The following NCBP3 variants were observed in gnomAD, a reference collection of about 807,000 sequenced individuals.
The protein encoded by NCBP3 is nuclear cap binding subunit 3, also known as nuclear cap-binding protein subunit 3.
NCBP3 carries 20 observed loss-of-function variants against 75.7 expected under a neutral mutation model. That is an observed-to-expected ratio of 0.26 (90% CI 0.19 to 0.38). NCBP3 has a LOEUF of 0.38. NCBP3 is among the 10% of genes least tolerant of loss of function. The pLI is 1.00. For synonymous variants in NCBP3, 293 were observed against 290.5 expected (o/e 1.01, Z -0.09); for missense variants, 678 against 796.9 (o/e 0.85, Z 1.80).
chr17:3,839,114 T>A (rs1434188810), intron 3 of NCBP3, among the ~76,000 whole-genome samples: 1 of 152,150 alleles, frequency 6.6e-6, no homozygotes, highest in Non-Finnish European at 1.5e-5. Context: ...AAAGTAGTAA[T>A]TTTTCCTTTT....
Position 3,832,354 on chromosome 17 carries a change from G to C in NCBP3, c.356-2986C>G, listed in dbSNP as rs536740072. ...AATAATGTAAAAAAGAATTTAATGG[G>C]CAGGCGCGGTGGCTCACGCCTGTAA... is the stretch of plus-strand genomic sequence containing the variant. On this transcript the variant is annotated intron_variant, in intron 3 of 12. Transcript: ENST00000389005. Among the ~76,000 whole-genome samples, 45 of 119,382 alleles carry C rather than the reference G, an allele frequency of 3.8e-4. 13 individuals carry two copies. The highest frequency in any genetic ancestry group is 1.2e-3 in the Admixed American group (14 of 11,868). The allele number at this position is 119,382 out of a possible 152,430, so 78.3% of individuals were successfully genotyped here.
Position 3,816,165 on chromosome 17 carries a change from C to G in NCBP3, c.1416G>C (p.Glu472Asp). Residue 472 changes from glutamate (E) to aspartate (D), a missense_variant, in exon 11 of 13, where the codon GAG (glutamate) becomes GAC (aspartate). Transcript: ENST00000389005. ...KFADVRHLLD[E>D]KRQHSRPRPP... ...GCCGTGGACGGGAGTGCTGACGTTT[C>G]TCATCTAATAGATGTCGGACATCTG... 6.2e-7 allele frequency: 1 copy of G among 1,614,178 alleles called. No homozygotes were observed. The highest frequency in any genetic ancestry group is 1.3e-5 in the African/African-American group (1 of 75,048).
chr17:3,812,910 G>C lies in NCBP3; in HGVS notation c.*134C>G, dbSNP rs1165594786. 6.7e-7 allele frequency: 1 copy of C among 1,481,898 alleles called. No individual in the cohort carries two copies. The highest frequency in any genetic ancestry group is 8.9e-7 in the Non-Finnish European group (1 of 1,120,074). 91.8% of individuals were successfully genotyped at this position (1,481,898 alleles called of 1,614,324 possible). ...CACATTCTTAAGATGTCTTGCCGAAGTAGCAAGAGCGGAGGGTGACTGTGT... is the reference window on the plus strand; with the variant it reads ...CACATTCTTAAGATGTCTTGCCGAACTAGCAAGAGCGGAGGGTGACTGTGT... On this transcript the variant is annotated 3_prime_UTR_variant, in exon 13 of 13. Coordinates refer to ENST00000389005, the MANE Select transcript of NCBP3 (RefSeq NM_001114118.3).
Position 3,812,940 on chromosome 17 carries a change from A to G in NCBP3, c.*104T>C. 2.6e-6 allele frequency: 4 copies of G among 1,543,578 alleles called. No individual in the cohort carries two copies. The highest frequency in any genetic ancestry group is 3.5e-6 in the Non-Finnish European group (4 of 1,148,510). On this transcript the variant is annotated 3_prime_UTR_variant, in exon 13 of 13. Coordinates refer to ENST00000389005, the MANE Select transcript of NCBP3 (RefSeq NM_001114118.3). ...AAGAGCGGAGGGTGACTGTGTGAGC[A>G]GGAGCGAGAGGGCGCCAGCTCCTGC...
Position 3,818,693 on chromosome 17 carries a change from C to A in NCBP3, c.1001-121G>T. The stretch of plus-strand genomic sequence containing the variant: ...TCCCATCCCTGACATTTTATTGGAG[C>A]ACTATCTATAATAGTGCCAAATGGA... On this transcript the variant is annotated intron_variant, in intron 9 of 12. Transcript: ENST00000389005. The surrounding 1 kb of genome is among the most constrained non-coding windows in gnomAD (Gnocchi z 4.7). The A allele has an allele frequency of 8.9e-7, 1 of 1,123,158 alleles. No homozygotes were observed. Among genetic ancestry groups the A allele is most frequent in the East Asian group, 2.4e-5 (1 of 42,418 alleles). 69.6% of individuals were successfully genotyped at this position (1,123,158 alleles called of 1,614,324 possible). A position where few individuals can be genotyped will look rare whatever the true frequency, so the allele number is the denominator to read the frequency against.
rs141611718 is a variant in NCBP3 at position 3,827,489 on chromosome 17, C to T, written c.482-1274G>A. Among the ~76,000 whole-genome samples, 312 of 152,294 alleles carry T rather than the reference C, an allele frequency of 2.0e-3. 1 individual carries two copies. Among genetic ancestry groups the T allele is most frequent in the African/African-American group, 7.1e-3 (296 of 41,560 alleles). ...TGACAGCCAGTTGGCTTTGTAGCAA[C>T]TAATTTAATGTGCCTCTTTAAGGAA... On this transcript the variant is annotated intron_variant, in intron 4 of 12. Coordinates refer to ENST00000389005, the MANE Select transcript of NCBP3 (RefSeq NM_001114118.3).
chr17:3,824,444 GCATA>G (rs72461890), intron 7 of NCBP3: 13,791 of 151,210 alleles, frequency 0.091, 1,181 homozygotes, highest in African/African-American at 0.23. Flanking sequence ...ACATACACAT[GCATA>G]CATACACACA....
Position 3,818,586 on chromosome 17 carries a change from A to C in NCBP3, c.1001-14T>G, listed in dbSNP as rs771124810. ...CATTCACTAGCCCTGAAGAAATTTA[A>C]CCAGAAAACATTAGGAAAAGCACTA... On this transcript the variant is annotated splice_polypyrimidine_tract_variant and intron_variant, in intron 9 of 12. Transcript: ENST00000389005. The surrounding 1 kb of genome is among the most constrained non-coding windows in gnomAD (Gnocchi z 4.7). 1 of 1,582,958 alleles carries C rather than the reference A, an allele frequency of 6.3e-7. No individual in the cohort carries two copies. Among genetic ancestry groups the C allele is most frequent in the African/African-American group, 1.3e-5 (1 of 74,076 alleles).
intron 3 of NCBP3, among the ~76,000 whole-genome samples, chr17:3,833,821 G>A (rs1047601713): frequency 2.0e-5 from 3 of 152,090 alleles, no homozygotes; most frequent in African/African-American, 7.2e-5. Context: ...TTCTATGCTA[G>A]TCTCATTTAA....
At position 3,810,751 on chromosome 17, in the gene NCBP3, G is replaced by A. The variant is rs1019192702; in HGVS notation, c.*2293C>T. The A allele has an allele frequency of 2.0e-5, 3 of 152,154 alleles. No homozygotes were observed. The highest frequency in any genetic ancestry group is 4.4e-5 in the Non-Finnish European group (3 of 68,040). 9.4% of individuals were successfully genotyped at this position (152,154 alleles called of 1,614,324 possible). ...CTCTGTGTGTCTGTGAAAACTGTAA[G>A]GTTACTCGAGTGTGTATTTCTCTTG... On this transcript the variant is annotated 3_prime_UTR_variant, in exon 13 of 13. Coordinates refer to ENST00000389005, the MANE Select transcript of NCBP3 (RefSeq NM_001114118.3).
At position 3,818,010 on chromosome 17, in the gene NCBP3, C is replaced by T. The variant is rs533102496; in HGVS notation, c.1310+253G>A. ...ACACACAAATAGCTGAAAGGTTATT[C>T]GCCAAATTGCTAACAGTAGTTATTG... On this transcript the variant is annotated intron_variant, in intron 10 of 12. Transcript: ENST00000389005. This position sits in a 1 kb window ranked among gnomAD's most constrained non-coding sequence, Gnocchi z 4.7. Among the ~76,000 whole-genome samples the T allele has an allele frequency of 6.1e-4, 92 of 151,922 alleles. No individual in the cohort carries two copies. Among genetic ancestry groups the T allele is most frequent in the South Asian group, 1.9e-3 (9 of 4,808 alleles).
intron 2 of NCBP3, among the ~76,000 whole-genome samples, chr17:3,841,602 CTTT>C (rs373561293): frequency 1.0e-4 from 12 of 118,044 alleles, no homozygotes; most frequent in African/African-American, 1.3e-4. Flanking sequence ...AATTCTCTCT[CTTT>C]TTTTTTTTTT....
At chr17:3,838,782 A>T (rs61653816) in intron 3 of NCBP3, among the ~76,000 whole-genome samples, 27,200 of 152,192 alleles carry the variant, frequency 0.18, 2,561 homozygotes, top group Non-Finnish European at 0.21. Flanking sequence ...GATAAAAATA[A>T]ATTCCTCATA....
At chr17:3,829,577 AG>A (rs1407376287) in intron 3 of NCBP3, among the ~76,000 whole-genome samples, 2 of 152,228 alleles carry the variant, frequency 1.3e-5, no homozygotes, top group Admixed American at 1.3e-4. Flanking sequence ...AATTCAGAAC[AG>A]GCCTATCAGG....
At chr17:3,840,891 A>G (rs2054052273) in intron 2 of NCBP3, among the ~76,000 whole-genome samples, 1 of 152,244 alleles carries the variant, frequency 6.6e-6, no homozygotes, top group Admixed American at 6.5e-5. Context: ...TTTACTGAAA[A>G]AATAATCAGC....
chr17:3,843,015 T>C (rs1597417716), intron 2 of NCBP3, 71 bp downstream of exon 2: 6 of 1,183,884 alleles, frequency 5.1e-6, no homozygotes, highest in East Asian at 5.1e-5. Flanking sequence ...TTTACTGTTA[T>C]GTCCTAGGGA....
At chr17:3,817,168 G>A (rs2053550751) in intron 10 of NCBP3, among the ~76,000 whole-genome samples, 1 of 152,170 alleles carries the variant, frequency 6.6e-6, no homozygotes, top group South Asian at 2.1e-4. Flanking sequence ...GATTCTGCCT[G>A]CACAGAATCT....
At chr17:3,823,201 C>T (rs1567586368) in intron 7 of NCBP3, among the ~76,000 whole-genome samples, 1 of 152,054 alleles carries the variant, frequency 6.6e-6, no homozygotes, top group Non-Finnish European at 1.5e-5. Flanking sequence ...GTCCCAGCTA[C>T]TAGGGAAGCT....
At position 3,840,178 on chromosome 17, in the gene NCBP3, C is replaced by G; in HGVS notation, c.277G>C (p.Ala93Pro). The G allele has an allele frequency of 6.4e-7, 1 of 1,551,732 alleles. No individual in the cohort carries two copies. Among genetic ancestry groups the G allele is most frequent in the Non-Finnish European group, 8.7e-7 (1 of 1,146,988 alleles). ...KEAIEKKEQR[A>P]KRFHFRSEVN... is the part of the protein sequence containing the mutation. Reference sequence around the variant, plus strand: ...TCCGATCGAAAATGGAAGCGCTTGGCTCGCTGCTCTTTCTTTTCAATTGCT... The same window carrying G: ...TCCGATCGAAAATGGAAGCGCTTGGGTCGCTGCTCTTTCTTTTCAATTGCT... Residue 93 changes from alanine to proline, a missense_variant, in exon 3 of 13, where the codon GCC (alanine) becomes CCC (proline). Ala to Pro is a conservative substitution (Grantham distance 27). Coordinates refer to ENST00000389005, the MANE Select transcript of NCBP3 (RefSeq NM_001114118.3).
Sources: gnomAD v4.1 joint callset for allele counts (sites outside exome capture counted in the v4.1 genomes callset) on GRCh38, gnomAD v4.1.1 for gene constraint, Gnocchi (gnomAD v3.1) non-coding constraint, MANE v1.5 for transcripts, NCBI Gene and HGNC (gene_info 2026-07-23, HGNC 2026-07-21) for gene names.